Variants in ZNF536 observed in about 807,000 individuals in gnomAD.
ZNF536 encodes zinc finger protein 536.
A neutral mutation model predicts 84.5 loss-of-function variants in ZNF536; 13 were observed. That is an observed-to-expected ratio of 0.15 (90% CI 0.10 to 0.24). The LOEUF (loss-of-function observed/expected upper bound fraction) is 0.24. Among genes scored for constraint, ZNF536 ranks in the 10% least tolerant of loss-of-function variants. The pLI, the probability that ZNF536 is intolerant of heterozygous loss-of-function variation, is 1.00. For missense variants in ZNF536, 1,536 were observed against 1,747.5 expected (o/e 0.88, Z 2.16); for synonymous variants, 811 against 742.5 (o/e 1.09, Z -1.50).
chr19:30,329,070 G>A (rs555524768), intron 2 of ZNF536, among the ~76,000 whole-genome samples: 1 of 152,300 alleles, frequency 6.6e-6, no homozygotes, highest in South Asian at 2.1e-4. Flanking sequence ...CTTTGCAAAT[G>A]TCGGTGTGTC....
chr19:30,544,649 G>A (rs1311349228), intron 3 of ZNF536, among the ~76,000 whole-genome samples: 1 of 152,126 alleles, frequency 6.6e-6, no homozygotes, highest in African/African-American at 2.4e-5. Flanking sequence ...CAGTTTCCAG[G>A]GTCAAGAAGG....
At chr19:30,588,683 T>C (rs957861831) in intron 1 of ZNF536, among the ~76,000 whole-genome samples, 1 of 152,156 alleles carries the variant, frequency 6.6e-6, no homozygotes, top group African/African-American at 2.4e-5. Flanking sequence ...AGAGAGAAGG[T>C]CTTAGGCCCA....
intron 1 of ZNF536, among the ~76,000 whole-genome samples, chr19:30,676,300 A>C (rs767444457): frequency 3.3e-5 from 5 of 152,244 alleles, no homozygotes; most frequent in Non-Finnish European, 7.3e-5. Flanking sequence ...ACCTTTGTGC[A>C]TAAAACCTGA....
At chr19:30,613,517 A>G (rs2048175065) in intron 1 of ZNF536, among the ~76,000 whole-genome samples, 1 of 152,234 alleles carries the variant, frequency 6.6e-6, no homozygotes, top group South Asian at 2.1e-4. Flanking sequence ...TTGATGGGTT[A>G]TAAATCCATG....
chr19:30,234,020 G>A (rs1482592598), intron 1 of ZNF536, among the ~76,000 whole-genome samples: 2 of 152,192 alleles, frequency 1.3e-5, no homozygotes, highest in Admixed American at 1.3e-4. Context: ...GGTAGGTGGT[G>A]GCAGGAAGGC....
chr19:30,566,724 C>A (rs1482604190), intron 1 of ZNF536, among the ~76,000 whole-genome samples: 1 of 151,582 alleles, frequency 6.6e-6, no homozygotes, highest in African/African-American at 2.4e-5. Context: ...CTGTGTGTGG[C>A]CTTTCCGGAC....
At chr19:30,592,488 A>G (rs1318762552) in intron 1 of ZNF536, among the ~76,000 whole-genome samples, 1 of 152,170 alleles carries the variant, frequency 6.6e-6, no homozygotes. Flanking sequence ...TCTAAACCCC[A>G]TCTCTGAATA....
intron 1 of ZNF536, among the ~76,000 whole-genome samples, chr19:30,579,717 C>T (rs768085181): frequency 6.6e-6 from 1 of 152,176 alleles, no homozygotes; most frequent in African/African-American, 2.4e-5. Flanking sequence ...GTCCCCACAT[C>T]CCCAAGGGGC....
chr19:30,431,299 G>A (rs1042336405), intron 1 of ZNF536, among the ~76,000 whole-genome samples: 2 of 152,142 alleles, frequency 1.3e-5, no homozygotes. Context: ...AGCTAGGGAT[G>A]CTAAATTGGG....
chr19:30,318,165 C>T (rs145927787), intron 2 of ZNF536, among the ~76,000 whole-genome samples: 567 of 152,316 alleles, frequency 3.7e-3, no homozygotes, highest in Non-Finnish European at 6.6e-3. Flanking sequence ...TCCCCCAGGA[C>T]CCCTTGAGCT....
intron 1 of ZNF536, among the ~76,000 whole-genome samples, chr19:30,233,973 C>T (rs1568510740): frequency 6.6e-6 from 1 of 152,090 alleles, no homozygotes; most frequent in African/African-American, 2.4e-5. Context: ...CTGGTAGGGC[C>T]AAAGCAAGCA....
chr19:30,359,644 A>G (rs977603427), intron 3 of ZNF536, among the ~76,000 whole-genome samples: 1 of 151,968 alleles, frequency 6.6e-6, no homozygotes, highest in Non-Finnish European at 1.5e-5. Flanking sequence ...GGCAGTGGGG[A>G]TGAGGGAGGG....
Position 30,522,262 on chromosome 19 carries a change from C to CACACAT in ZNF536, c.2171-12584_2171-12583insCACATA. Among the ~76,000 whole-genome samples the CACACAT allele has an allele frequency of 3.9e-4, 3 of 7,634 alleles. 1 individual carries two copies. Among genetic ancestry groups the CACACAT allele is most frequent in the South Asian group, 0.012 (2 of 164 alleles). 5.0% of individuals were successfully genotyped at this position (7,634 alleles called of 152,430 possible). On this transcript the variant is annotated intron_variant, in intron 2 of 4. Coordinates refer to ENST00000355537, the MANE Select transcript of ZNF536 (RefSeq NM_014717.3). ...TGATTGGCAGAGCTGGATATATATA[C>CACACAT]ATATATATATACATATATATAATAT...
chr19:30,364,388 ATGG>A (rs2048362595), intron 3 of ZNF536, among the ~76,000 whole-genome samples: 1 of 152,168 alleles, frequency 6.6e-6, no homozygotes, highest in Non-Finnish European at 1.5e-5. Context: ...TTAGCTGGGC[ATGG>A]TGGCGTGCAC....
intron 1 of ZNF536, among the ~76,000 whole-genome samples, chr19:30,234,686 G>A (rs2023337703): frequency 6.6e-6 from 1 of 151,994 alleles, no homozygotes; most frequent in African/African-American, 2.4e-5. Flanking sequence ...AAAGGCATGA[G>A]CCAATGTGCC....
chr19:30,283,623 T>G (rs2045529007), intron 1 of ZNF536, among the ~76,000 whole-genome samples: 1 of 152,132 alleles, frequency 6.6e-6, no homozygotes, highest in South Asian at 2.1e-4. Flanking sequence ...TTGGGTGGAA[T>G]TTTGGTCTAC....
At chr19:30,401,630 G>A (rs1172637374) in intron 1 of ZNF536, among the ~76,000 whole-genome samples, 1 of 152,196 alleles carries the variant, frequency 6.6e-6, no homozygotes, top group African/African-American at 2.4e-5. Context: ...CTATAATGGG[G>A]TAAAAACCGT....
At chr19:30,475,819 C>T (rs559067929) in intron 2 of ZNF536, among the ~76,000 whole-genome samples, 10 of 152,306 alleles carry the variant, frequency 6.6e-5, no homozygotes, top group African/African-American at 2.4e-4. Flanking sequence ...GAGGGGTCCC[C>T]CTTTCTCCCC....
At chr19:30,625,372 G>A (rs1175421190) in intron 1 of ZNF536, among the ~76,000 whole-genome samples, 1 of 152,210 alleles carries the variant, frequency 6.6e-6, no homozygotes, top group East Asian at 1.9e-4. Context: ...TAGGAGGAAA[G>A]CTAGTTAACT....
Sources: allele counts gnomAD v4.1 joint callset (sites outside exome capture counted in the v4.1 genomes callset), GRCh38; gene constraint gnomAD v4.1.1; transcripts MANE v1.5; gene names NCBI Gene and HGNC (gene_info 2026-07-23, HGNC 2026-07-21).